The following ANO10 variants were observed in gnomAD, a reference collection of about 807,000 sequenced individuals.
The protein encoded by ANO10 is anoctamin 10.
ANO10 carries 77 observed loss-of-function variants against 74.7 expected under a neutral mutation model. The observed-to-expected ratio is 1.03, with a 90% CI of 0.86 to 1.25. The LOEUF is 1.25. ANO10 is among the 50% of genes most tolerant of loss of function. The pLI is 0.00. For missense variants in ANO10, 721 were observed against 778.1 expected (o/e 0.93, Z 0.87); for synonymous variants, 279 against 284.9 (o/e 0.98, Z 0.21).
At chr3:43,454,759 T>C (rs17407912) in intron 11 of ANO10, among the ~76,000 whole-genome samples, 33,884 of 151,868 alleles carry the variant, frequency 0.22, 4,315 homozygotes, top group Middle Eastern at 0.36. Context: ...GGTGTCTTGG[T>C]GGACTAATGG....
intron 11 of ANO10, among the ~76,000 whole-genome samples, chr3:43,510,328 G>C (rs1340088252): frequency 6.6e-6 from 1 of 151,970 alleles, no homozygotes; most frequent in African/African-American, 2.4e-5. Context: ...CTACTGGGGA[G>C]GCTGAGGGAG....
intron 1 of ANO10, among the ~76,000 whole-genome samples, chr3:43,642,642 G>A (rs2083682022): frequency 6.6e-6 from 1 of 152,040 alleles, no homozygotes; most frequent in African/African-American, 2.4e-5. Context: ...ACCCACAGAA[G>A]TTTCACTCCT....
intron 1 of ANO10, among the ~76,000 whole-genome samples, chr3:43,631,497 T>C (rs2083546705): frequency 6.6e-6 from 1 of 152,208 alleles, no homozygotes; most frequent in African/African-American, 2.4e-5. Flanking sequence ...TGATTTTCTA[T>C]AAATTAGGGT....
chr3:43,376,322 T>C (rs899309231), intron 12 of ANO10, among the ~76,000 whole-genome samples: 1 of 152,156 alleles, frequency 6.6e-6, no homozygotes, highest in Non-Finnish European at 1.5e-5. Flanking sequence ...CATCCTGATA[T>C]GAGCATGGAG....
At chr3:43,600,025 C>G (rs1238860945) in intron 3 of ANO10, among the ~76,000 whole-genome samples, 1 of 152,084 alleles carries the variant, frequency 6.6e-6, no homozygotes, top group Non-Finnish European at 1.5e-5. Context: ...CTACTGAATA[C>G]TCAAATTATA....
At chr3:43,434,311 T>C (rs901459326) in intron 11 of ANO10, among the ~76,000 whole-genome samples, 1 of 152,240 alleles carries the variant, frequency 6.6e-6, no homozygotes, top group Non-Finnish European at 1.5e-5. Flanking sequence ...GACCAGATGA[T>C]ACCCTATGTT....
chr3:43,456,848 A>G (rs2075151821), intron 11 of ANO10, among the ~76,000 whole-genome samples: 1 of 152,248 alleles, frequency 6.6e-6, no homozygotes, highest in Admixed American at 6.5e-5. Flanking sequence ...AAAAGTGGAT[A>G]GCAGTGTTCT....
chr3:43,469,038 C>CG (rs2075747685), intron 11 of ANO10, among the ~76,000 whole-genome samples: 1 of 70,338 alleles, frequency 1.4e-5, no homozygotes, highest in South Asian at 6.6e-4. Context: ...CAATTAGCTG[C>CG]TTTTTTTTTT....
At chr3:43,584,809 A>C (rs1378364451) in intron 4 of ANO10, among the ~76,000 whole-genome samples, 2 of 152,322 alleles carry the variant, frequency 1.3e-5, no homozygotes, top group East Asian at 3.9e-4. Context: ...AGCAGCAAGC[A>C]ACTTTACACG....
At chr3:43,497,903 T>G (rs1365612505) in intron 11 of ANO10, among the ~76,000 whole-genome samples, 1 of 152,234 alleles carries the variant, frequency 6.6e-6, no homozygotes, top group Non-Finnish European at 1.5e-5. Flanking sequence ...ATTGAGCTAC[T>G]CTAAACATGG....
At chr3:43,454,621 G>T (rs2075043953) in intron 11 of ANO10, among the ~76,000 whole-genome samples, 1 of 152,070 alleles carries the variant, frequency 6.6e-6, no homozygotes, top group Admixed American at 6.6e-5. Flanking sequence ...AGGAGGAAAA[G>T]CAAGTGATGT....
Position 43,383,696 on chromosome 3 carries a change from T to C in ANO10, c.1915-16722A>G, listed in dbSNP as rs111830986. On this transcript the variant is annotated intron_variant, in intron 12 of 12. Transcript: ENST00000292246. Reference sequence around the variant, plus strand: ...AAAATCACATGATCATCTCAGTAGATGCAGAAAAAACATTTGACAAAATCC... The same window carrying C: ...AAAATCACATGATCATCTCAGTAGACGCAGAAAAAACATTTGACAAAATCC... Among the ~76,000 whole-genome samples the C allele has an allele frequency of 6.6e-3, 1,010 of 152,308 alleles. 8 individuals carry two copies. Among genetic ancestry groups the C allele is most frequent in the African/African-American group, 0.022 (921 of 41,562 alleles).
chr3:43,398,223 T>C (rs191035130), intron 12 of ANO10, among the ~76,000 whole-genome samples: 2 of 152,354 alleles, frequency 1.3e-5, no homozygotes, highest in African/African-American at 4.8e-5. Flanking sequence ...CAACAAGGAC[T>C]CTTAAGACTT....
chr3:43,386,163 CT>C (rs1447410611), intron 12 of ANO10, among the ~76,000 whole-genome samples: 21 of 152,244 alleles, frequency 1.4e-4, no homozygotes, highest in Non-Finnish European at 2.2e-4. Context: ...TCACCTGCCT[CT>C]TTTTAGCTAG....
chr3:43,690,430 G>C (rs1399708475), intron 1 of ANO10: 1 of 152,458 alleles, frequency 6.6e-6, no homozygotes, highest in African/African-American at 2.4e-5. Context: ...GGCCACTACA[G>C]TAACATCAGC....
chr3:43,479,138 TAATA>T (rs908604098), intron 11 of ANO10, among the ~76,000 whole-genome samples: 12 of 152,236 alleles, frequency 7.9e-5, no homozygotes, highest in Admixed American at 7.2e-4. Context: ...TCCTTTTGTT[TAATA>T]ACAGAAAAGA....
chr3:43,570,401 G>A (rs1451970490), intron 7 of ANO10, among the ~76,000 whole-genome samples: 2 of 151,698 alleles, frequency 1.3e-5, no homozygotes, highest in East Asian at 3.9e-4. Context: ...AAAGAACAAA[G>A]CTGGAGGCAT....
intron 1 of ANO10, among the ~76,000 whole-genome samples, chr3:43,672,212 G>C (rs2084068118): frequency 6.6e-6 from 1 of 152,066 alleles, no homozygotes; most frequent in South Asian, 2.1e-4. Flanking sequence ...ATTACGATTT[G>C]TGCTGCATAC....
intron 11 of ANO10, among the ~76,000 whole-genome samples, chr3:43,452,228 T>A (rs1339246039): frequency 6.6e-6 from 1 of 152,208 alleles, no homozygotes; most frequent in African/African-American, 2.4e-5. Context: ...TGAAAGTATA[T>A]AATTCAATAC....
Sources: allele counts gnomAD v4.1 joint callset (sites outside exome capture counted in the v4.1 genomes callset), GRCh38; gene constraint gnomAD v4.1.1; transcripts MANE v1.5; gene names NCBI Gene and HGNC (gene_info 2026-07-23, HGNC 2026-07-21).